Variants in DTWD2 observed in about 807,000 individuals in gnomAD.
DTWD2 encodes tRNA-uridine aminocarboxypropyltransferase 2.
Under a neutral mutation model 31.8 loss-of-function variants are expected in DTWD2, and 39 were observed. The observed-to-expected ratio is 1.22, with a 90% CI of 0.95 to 1.60. The LOEUF is 1.60. Among genes scored for constraint, DTWD2 ranks in the 40% most tolerant of loss-of-function variants. DTWD2 has a pLI of 0.00. For missense variants in DTWD2, 515 were observed against 381.5 expected (o/e 1.35, Z -2.92); for synonymous variants, 180 against 142.8 (o/e 1.26, Z -1.86).
chr5:118,908,988 C>G (rs1464158385), intron 4 of DTWD2, among the ~76,000 whole-genome samples: 1 of 152,200 alleles, frequency 6.6e-6, no homozygotes. Flanking sequence ...ATGGTAAAAA[C>G]AGTCTCATTT....
chr5:118,847,190 G>A (rs1226639780), intron 5 of DTWD2, among the ~76,000 whole-genome samples: 4 of 151,694 alleles, frequency 2.6e-5, no homozygotes, highest in South Asian at 2.1e-4. Flanking sequence ...AATTTCCTTC[G>A]TGTTTAAGGC....
chr5:118,893,763 AT>A (rs145753079), intron 4 of DTWD2, among the ~76,000 whole-genome samples: 1,981 of 152,246 alleles, frequency 0.013, 36 homozygotes, highest in African/African-American at 0.045. Context: ...TTAAAAATGA[AT>A]GGAGAGGACC....
At chr5:118,874,445 A>G (rs1267840482) in intron 4 of DTWD2, among the ~76,000 whole-genome samples, 1 of 152,232 alleles carries the variant, frequency 6.6e-6, no homozygotes, top group Non-Finnish European at 1.5e-5. Context: ...ACCCAATGCA[A>G]GGAAGCTAAA....
chr5:118,928,629 CAGG>C lies in DTWD2; in HGVS notation c.502_504del (p.Pro168del). On this transcript the variant is annotated inframe_deletion, in exon 4 of 6. Transcript: ENST00000510708. Reference sequence around the variant, plus strand: ...ATGATGATGATTGTAGAAGGATAAACAGGAGAATCTAATATAAATTCTTCCAAA... The same window carrying C: ...ATGATGATGATTGTAGAAGGATAAACAGAATCTAATATAAATTCTTCCAAA... 6.2e-7 allele frequency: 1 copy of C among 1,603,250 alleles called. No homozygotes were observed. The highest frequency in any genetic ancestry group is 8.5e-7 in the Non-Finnish European group (1 of 1,174,308).
intron 5 of DTWD2, among the ~76,000 whole-genome samples, chr5:118,842,752 G>T (rs1751747651): frequency 6.7e-6 from 1 of 148,694 alleles, no homozygotes; most frequent in Non-Finnish European, 1.5e-5. Flanking sequence ...AGGCAACATG[G>T]CAAGACCCTG....
chr5:118,883,723 C>T (rs1440912013), intron 4 of DTWD2, among the ~76,000 whole-genome samples: 36 of 152,166 alleles, frequency 2.4e-4, no homozygotes, highest in Admixed American at 2.4e-3. Context: ...ATCACAAAAA[C>T]AGCACCCCCA....
Position 118,979,816 on chromosome 5 carries a change from A to T in DTWD2, c.218+8478T>A, listed in dbSNP as rs72784051. On this transcript the variant is annotated intron_variant, in intron 1 of 5. Transcript: ENST00000510708. ...TGAACAATGAGAACACACAGACACA[A>T]AGTGGGGAATAACACAAATTGGGGC... 2.1e-3 allele frequency among the ~76,000 whole-genome samples: 315 copies of T among 152,322 alleles called. 2 individuals carry two copies. The highest frequency in any genetic ancestry group is 2.8e-3 in the Non-Finnish European group (188 of 68,012).
In DTWD2 at chr5:118,952,544, T is replaced by C. The variant is rs993101356; in HGVS notation, c.219-7895A>G. Among the ~76,000 whole-genome samples, 11 of 152,134 alleles carry C rather than the reference T, an allele frequency of 7.2e-5. No homozygotes were observed. The East Asian group carries it at 2.1e-3, about 29-fold the overall frequency. ...GAAGGAATTTCACAAGGTAATGTCA[T>C]CAGTTAGGGCAGGAATTGGCCATTT... On this transcript the variant is annotated intron_variant, in intron 1 of 5. Transcript: ENST00000510708.
At position 118,928,536 on chromosome 5, in the gene DTWD2, C is replaced by A; in HGVS notation, c.597+1G>T. On this transcript the variant is annotated splice_donor_variant, in intron 4 of 5. Transcript: ENST00000510708. LOFTEE classifies it high-confidence loss of function. ...ATTCTCTGTTAAAATTACTAGTTTACCTGTTTGGGATGTCGGAACAAGGAG... is the reference window on the plus strand; with the variant it reads ...ATTCTCTGTTAAAATTACTAGTTTAACTGTTTGGGATGTCGGAACAAGGAG... 5.4e-6 allele frequency: 8 copies of A among 1,484,570 alleles called. No individual in the cohort carries two copies. The highest frequency in any genetic ancestry group is 1.6e-5 in the South Asian group (1 of 62,894). The allele number at this position is 1,484,570 out of a possible 1,614,324, so 92.0% of individuals were successfully genotyped here.
intron 4 of DTWD2, among the ~76,000 whole-genome samples, chr5:118,909,387 C>T (rs189762623): frequency 1.3e-5 from 2 of 152,294 alleles, no homozygotes; most frequent in East Asian, 3.9e-4. Flanking sequence ...ACTCAAGAAG[C>T]TTTCACCACT....
intron 4 of DTWD2, among the ~76,000 whole-genome samples, chr5:118,850,936 T>A (rs1751987079): frequency 6.6e-6 from 1 of 152,120 alleles, no homozygotes; most frequent in Admixed American, 6.5e-5. Flanking sequence ...CATTAATCTT[T>A]AGAGAAATGC....
intron 4 of DTWD2, among the ~76,000 whole-genome samples, chr5:118,899,036 G>A (rs1390182110): frequency 2.0e-5 from 3 of 152,232 alleles, no homozygotes; most frequent in African/African-American, 7.2e-5. Flanking sequence ...ATTCCCAGCT[G>A]AGGTAGAATT....
intron 4 of DTWD2, among the ~76,000 whole-genome samples, chr5:118,892,073 T>G (rs1752987862): frequency 1.3e-5 from 2 of 152,196 alleles, no homozygotes; most frequent in Non-Finnish European, 2.9e-5. Context: ...TTTTAACATG[T>G]AATCATTACA....
At chr5:118,897,609 T>G (rs1753111463) in intron 4 of DTWD2, among the ~76,000 whole-genome samples, 1 of 152,182 alleles carries the variant, frequency 6.6e-6, no homozygotes, top group African/African-American at 2.4e-5. Context: ...CCTGCTATGT[T>G]AATTATTGTG....
chr5:118,870,432 G>C (rs1225663826), intron 4 of DTWD2, among the ~76,000 whole-genome samples: 1 of 152,146 alleles, frequency 6.6e-6, no homozygotes, highest in East Asian at 1.9e-4. Flanking sequence ...CAGAGATATA[G>C]CAGGTTTAAG....
chr5:118,926,693 G>C (rs1221526469), intron 4 of DTWD2, among the ~76,000 whole-genome samples: 2 of 151,842 alleles, frequency 1.3e-5, no homozygotes, highest in Non-Finnish European at 2.9e-5. Context: ...CGCCCCTTTT[G>C]TTCAAAAAAG....
At chr5:118,978,868 T>C (rs941105184) in intron 1 of DTWD2, among the ~76,000 whole-genome samples, 2 of 151,820 alleles carry the variant, frequency 1.3e-5, no homozygotes, top group Non-Finnish European at 2.9e-5. Context: ...TAGCTGGGCA[T>C]GGTGGTGCAC....
intron 1 of DTWD2, chr5:118,988,071 T>G: frequency 2.8e-6 from 2 of 718,548 alleles, no homozygotes; most frequent in South Asian, 3.0e-5. Flanking sequence ...CATGATACGC[T>G]CAGCATATTG....
At chr5:118,893,986 T>C (rs28550966) in intron 4 of DTWD2, among the ~76,000 whole-genome samples, 6,584 of 148,474 alleles carry the variant, frequency 0.044, 190 homozygotes, top group African/African-American at 0.083. Context: ...GGCAGAATAA[T>C]AAATTTGTGC....
Sources: gnomAD v4.1 joint callset for allele counts (sites outside exome capture counted in the v4.1 genomes callset) on GRCh38, gnomAD v4.1.1 for gene constraint, MANE v1.5 for transcripts, NCBI Gene and HGNC (gene_info 2026-07-23, HGNC 2026-07-21) for gene names.